The following ADGRL2 variants were observed in gnomAD, a reference collection of about 807,000 sequenced individuals.
ADGRL2 encodes calcium-independent alpha-latrotoxin receptor 2.
A neutral mutation model predicts 157.4 loss-of-function variants in ADGRL2; 44 were observed. That is an observed-to-expected ratio of 0.28 (90% CI 0.22 to 0.36). The LOEUF (loss-of-function observed/expected upper bound fraction) is 0.36. Ranked by LOEUF, ADGRL2 falls within the 10% of genes least tolerant of loss-of-function variation. ADGRL2 has a pLI of 1.00. For missense variants in ADGRL2, 1,510 were observed against 1,768.9 expected, an observed-to-expected ratio of 0.85 and a Z score of 2.63; for synonymous variants, 585 against 624.7, an observed-to-expected ratio of 0.94 and a Z score of 0.95.
chr1:81,714,751 A>C (rs753337176), intron 1 of ADGRL2, among the ~76,000 whole-genome samples: 1 of 152,108 alleles, frequency 6.6e-6, no homozygotes, highest in Non-Finnish European at 1.5e-5. Context: ...AATAGCTCCT[A>C]TTTCAGAAAT....
At chr1:81,904,681 G>A (rs767333606) in intron 2 of ADGRL2, among the ~76,000 whole-genome samples, 5 of 152,316 alleles carry the variant, frequency 3.3e-5, no homozygotes, top group Non-Finnish European at 2.9e-5. Flanking sequence ...AAGCGGAGGT[G>A]GGCGGATCAC....
At chr1:81,436,508 C>T (rs1454930665) in intron 1 of ADGRL2, among the ~76,000 whole-genome samples, 6 of 152,188 alleles carry the variant, frequency 3.9e-5, no homozygotes, top group Non-Finnish European at 5.9e-5. Context: ...AGCGTATAGC[C>T]ATGAGTGCTG....
intron 1 of ADGRL2, among the ~76,000 whole-genome samples, chr1:81,715,419 G>C (rs1304487208): frequency 2.6e-5 from 4 of 152,054 alleles, no homozygotes; most frequent in African/African-American, 9.7e-5. Flanking sequence ...AGCTCAAATA[G>C]TATAATTTAC....
chr1:81,567,173 G>A (rs936888398), intron 2 of ADGRL2, among the ~76,000 whole-genome samples: 1 of 152,094 alleles, frequency 6.6e-6, no homozygotes, highest in Admixed American at 6.6e-5. Flanking sequence ...TGTTCTTTTT[G>A]AAGATCTAGT....
intron 2 of ADGRL2, among the ~76,000 whole-genome samples, chr1:81,541,082 T>G (rs1307138099): frequency 6.6e-6 from 1 of 152,162 alleles, no homozygotes; most frequent in African/African-American, 2.4e-5. Context: ...GAACTTATAA[T>G]TTATTTGTGG....
chr1:81,306,888 A>G (rs1335288624), intron 1 of ADGRL2, among the ~76,000 whole-genome samples: 1 of 130,074 alleles, frequency 7.7e-6, no homozygotes, highest in Non-Finnish European at 1.7e-5. Flanking sequence ...TTTTTTTTTT[A>G]ACCTGGAGCC....
At chr1:81,885,572 G>A (rs1347481261) in intron 2 of ADGRL2, among the ~76,000 whole-genome samples, 2 of 152,116 alleles carry the variant, frequency 1.3e-5, no homozygotes, top group African/African-American at 4.8e-5. Context: ...GCATGGCCCT[G>A]TTCAGTCAAG....
chr1:81,479,318 CAAAAA>C (rs752158155), intron 2 of ADGRL2, among the ~76,000 whole-genome samples: 116 of 106,906 alleles, frequency 1.1e-3, no homozygotes, highest in African/African-American at 3.9e-3. Flanking sequence ...ACTAAAAATA[CAAAAA>C]AAAAAAAAAA....
At chr1:81,839,187 C>A (rs3790948) in intron 2 of ADGRL2, among the ~76,000 whole-genome samples, 4 of 151,798 alleles carry the variant, frequency 2.6e-5, no homozygotes, top group African/African-American at 9.7e-5. Flanking sequence ...CTTTTAACAT[C>A]TTACACAGTT....
At chr1:81,433,927 G>A (rs968482645) in intron 1 of ADGRL2, among the ~76,000 whole-genome samples, 15 of 152,138 alleles carry the variant, frequency 9.9e-5, no homozygotes, top group Non-Finnish European at 1.6e-4. Context: ...AGCTGTGTTG[G>A]GACTCTGTTG....
At position 81,800,958 on chromosome 1, in the gene ADGRL2, G is replaced by A. The variant is rs1377020134; in HGVS notation, c.-211G>A. On this transcript the variant is annotated 5_prime_UTR_variant, in exon 1 of 24. Transcript: ENST00000686636. ...CGGCCGTGCGCGCGCGTCCCTCGCC[G>A]CCACCGCCGCCCGGACAGCCCTGCG... 6.7e-6 allele frequency among the ~76,000 whole-genome samples: 1 copy of A among 149,286 alleles called. No homozygotes were observed. The highest frequency in any genetic ancestry group is 1.5e-5 in the Non-Finnish European group (1 of 67,174).
intron 2 of ADGRL2, among the ~76,000 whole-genome samples, chr1:81,479,161 T>G (rs1232038204): frequency 6.6e-6 from 1 of 151,432 alleles, no homozygotes; most frequent in Admixed American, 6.6e-5. Context: ...TTAAAATATT[T>G]TTTTCTTTTT....
At chr1:81,936,684 CAAAT>C (rs1461605967) in intron 3 of ADGRL2, 40 bp from the exon 4 acceptor site, 9 of 491,550 alleles carry the variant, frequency 1.8e-5, no homozygotes, top group African/African-American at 7.6e-5. Context: ...TGAAAATAAT[CAAAT>C]AAATTATGTT....
chr1:81,520,379 C>A (rs1011799428), intron 2 of ADGRL2, among the ~76,000 whole-genome samples: 1 of 152,138 alleles, frequency 6.6e-6, no homozygotes. Flanking sequence ...CTCTGCCACA[C>A]ACACACACAT....
At chr1:81,750,982 A>G (rs2085471932) in intron 1 of ADGRL2, among the ~76,000 whole-genome samples, 1 of 152,176 alleles carries the variant, frequency 6.6e-6, no homozygotes, top group South Asian at 2.1e-4. Context: ...CTCATCTAAA[A>G]GAAATTAAGA....
intron 3 of ADGRL2, among the ~76,000 whole-genome samples, chr1:81,593,937 C>T (rs1372159560): frequency 6.6e-6 from 1 of 152,104 alleles, no homozygotes; most frequent in Non-Finnish European, 1.5e-5. Context: ...AAGCAAGAAG[C>T]TTCGGAGACT....
At chr1:81,406,901 G>A (rs188548265) in intron 1 of ADGRL2, among the ~76,000 whole-genome samples, 14 of 152,276 alleles carry the variant, frequency 9.2e-5, no homozygotes, top group African/African-American at 3.4e-4. Flanking sequence ...GTGTTGAATG[G>A]AAATAAGCTC....
At chr1:81,353,009 G>T (rs1053439209) in intron 1 of ADGRL2, among the ~76,000 whole-genome samples, 1 of 152,098 alleles carries the variant, frequency 6.6e-6, no homozygotes, top group African/African-American at 2.4e-5. Flanking sequence ...AAAAAGCGTT[G>T]GAGGTAATAA....
intron 1 of ADGRL2, among the ~76,000 whole-genome samples, chr1:81,405,537 C>T (rs1313628911): frequency 6.6e-6 from 1 of 150,494 alleles, no homozygotes; most frequent in Non-Finnish European, 1.5e-5. Flanking sequence ...GCAGTCTCAG[C>T]TACTATGGAG....
Sources: gnomAD v4.1 joint callset for allele counts (sites outside exome capture counted in the v4.1 genomes callset) on GRCh38, gnomAD v4.1.1 for gene constraint, MANE v1.5 for transcripts, NCBI Gene and HGNC (gene_info 2026-07-23, HGNC 2026-07-21) for gene names.